The following SEPTIN4 variants were observed in gnomAD, a reference collection of about 807,000 sequenced individuals.
The protein encoded by SEPTIN4 is septin 4, also known as septin-4.
SEPTIN4 carries 52 observed loss-of-function variants against 107.1 expected under a neutral mutation model. The ratio of observed to expected loss-of-function variants is 0.49; its 90% CI spans 0.39 to 0.61. The LOEUF is 0.61. Ranked by LOEUF, SEPTIN4 falls within the 20% of genes least tolerant of loss-of-function variation. The probability of loss-of-function intolerance (pLI) is 0.00; values close to 1 mark genes in which losing one functional copy is unlikely to be tolerated. For missense variants in SEPTIN4, 1,048 were observed against 1,243.5 expected (o/e 0.84, Z 2.36); for synonymous variants, 417 against 467.0 (o/e 0.89, Z 1.38).
At chr17:58,529,383 C>G in intron 3 of SEPTIN4, 1 of 1,434,376 alleles carries the variant, frequency 7.0e-7, no homozygotes, top group Non-Finnish European at 9.1e-7. Context: ...TCTTCTCCTC[C>G]CCTTCCCTTG....
intron 3 of SEPTIN4, chr17:58,531,392 T>G (rs1348384117): frequency 6.6e-6 from 1 of 152,328 alleles, no homozygotes; most frequent in Non-Finnish European, 1.5e-5. Flanking sequence ...GATGGTGGGC[T>G]GGGCCTCCCC....
intron 3 of SEPTIN4, chr17:58,527,342 C>T (rs987273768): frequency 2.4e-6 from 1 of 422,934 alleles, no homozygotes; most frequent in Non-Finnish European, 4.4e-6. Context: ...GGGACTGTCT[C>T]AGGCCAGGAA....
At chr17:58,540,505 G>T (rs1233368249) in intron 3 of SEPTIN4, among the ~76,000 whole-genome samples, 161 bp downstream of exon 3, 1 of 152,142 alleles carries the variant, frequency 6.6e-6, no homozygotes, top group Non-Finnish European at 1.5e-5. Flanking sequence ...CCCCCCACTT[G>T]CCCCCTCTAC....
chr17:58,532,163 C>A, intron 3 of SEPTIN4: 1 of 1,001,766 alleles, frequency 1.0e-6, no homozygotes. Flanking sequence ...GGTGCCGGCG[C>A]GAAGTGGGTC....
rs898154968 is a variant in SEPTIN4 at position 58,520,783 on chromosome 17, T to C, written c.2891A>G (p.Asp964Gly). The change falls in exon 13 of 14, where the codon GAT becomes GGT. Residue 964 changes from aspartate (D) to glycine (G), a missense_variant. Physicochemically the swap from Asp to Gly is moderately conservative, Grantham distance 94. Coordinates refer to ENST00000672673, the MANE Select transcript of SEPTIN4 (RefSeq NM_001368771.2). ...TCGGATAAGCTTCTCAGTTTCTGGA[T>C]CTGTCCCTGGTGGGACAGCAGGGAT... ...FPIPAVPPGT[D>G]PETEKLIREK... is the part of the protein sequence containing the mutation. 1.2e-6 allele frequency: 2 copies of C among 1,614,088 alleles called. No individual in the cohort carries two copies. Among genetic ancestry groups the C allele is most frequent in the African/African-American group, 2.7e-5 (2 of 74,920 alleles).
chr17:58,525,181 C>T lies in SEPTIN4; in HGVS notation c.2113G>A (p.Glu705Lys). 1 of 1,614,088 alleles carries T rather than the reference C, an allele frequency of 6.2e-7. No individual in the cohort carries two copies. Among genetic ancestry groups the T allele is most frequent in the Non-Finnish European group, 8.5e-7 (1 of 1,180,012 alleles). ...ATGTCCACTGCATGCTTAGTGATCT[C>T]CACAGTTTGCATGATCCTCTCTGGA... ...GAEERIMQTV[E>K]ITKHAVDIEE... is the part of the protein sequence containing the mutation. The change falls in exon 7 of 14, where the codon GAG (glutamate) becomes AAG (lysine). Residue 705 changes from glutamate to lysine, a missense_variant. Glu to Lys is a moderately conservative substitution (Grantham distance 56). This residue lies in a region of SEPTIN4 where 787 missense variants were observed against 871.8 expected (regional missense o/e 0.90). Coordinates refer to ENST00000672673, the MANE Select transcript of SEPTIN4 (RefSeq NM_001368771.2).
Position 58,520,309 on chromosome 17 carries a change from A to C in SEPTIN4, c.*117T>G. ...TCCTCTGAGTCTCTGGGCAGTCAGC[A>C]GGGATGTAAGGCGAAGTGGCAGTAG... On this transcript the variant is annotated 3_prime_UTR_variant, in exon 14 of 14. Coordinates refer to ENST00000672673, the MANE Select transcript of SEPTIN4 (RefSeq NM_001368771.2). The C allele has an allele frequency of 2.3e-6, 2 of 856,270 alleles. No individual in the cohort carries two copies. The highest frequency in any genetic ancestry group is 3.8e-6 in the Non-Finnish European group (2 of 530,454). 53.0% of individuals were successfully genotyped at this position (856,270 alleles called of 1,614,324 possible).
intron 3 of SEPTIN4, chr17:58,530,402 TC>T (rs35815957): frequency 6.6e-6 from 1 of 152,364 alleles, no homozygotes; most frequent in Non-Finnish European, 1.5e-5. Context: ...TGGGGGGGTC[TC>T]CCCCACTGAT....
chr17:58,540,662 T>C lies in SEPTIN4; in HGVS notation c.1614+4A>G. ...TGGGAGTAACCTCCCAGGGGCATTCTTACCTCCTCATCTGTCATAACAGAG... is the reference window on the plus strand; with the variant it reads ...TGGGAGTAACCTCCCAGGGGCATTCCTACCTCCTCATCTGTCATAACAGAG... On this transcript the variant is annotated splice_donor_region_variant and intron_variant, in intron 3 of 13. Transcript: ENST00000672673. The C allele has an allele frequency of 7.3e-7, 1 of 1,363,380 alleles. No individual in the cohort carries two copies. The highest frequency in any genetic ancestry group is 9.4e-7 in the Non-Finnish European group (1 of 1,064,056). The allele number at this position is 1,363,380 out of a possible 1,614,324, so 84.5% of individuals were successfully genotyped here.
Position 58,521,463 on chromosome 17 carries a change from G to A in SEPTIN4, c.2571+82C>T. On this transcript the variant is annotated intron_variant, in intron 10 of 13. Coordinates refer to ENST00000672673, the MANE Select transcript of SEPTIN4 (RefSeq NM_001368771.2). The surrounding 1 kb of genome is among the most constrained non-coding windows in gnomAD (Gnocchi z 6.4). Reference sequence around the variant, plus strand: ...GGAAGCCAGGGTCCTTTCCCACCCTGATAGCCTGAATATAGAATTCTACTC... The same window carrying A: ...GGAAGCCAGGGTCCTTTCCCACCCTAATAGCCTGAATATAGAATTCTACTC... The A allele has an allele frequency of 6.4e-7, 1 of 1,570,224 alleles. No homozygotes were observed. The highest frequency in any genetic ancestry group is 1.3e-5 in the African/African-American group (1 of 74,074).
intron 3 of SEPTIN4, chr17:58,527,739 C>CCTCCAG (rs1567965208): frequency 2.9e-5 from 20 of 685,984 alleles, no homozygotes; most frequent in Non-Finnish European, 1.1e-5. Flanking sequence ...GATGGAAGAG[C>CCTCCAG]CTGGGAAAGG....
chr17:58,532,176 G>C (rs1218398549), intron 3 of SEPTIN4: 1 of 920,482 alleles, frequency 1.1e-6, no homozygotes, highest in African/African-American at 1.8e-5. Flanking sequence ...AGTGGGTCGG[G>C]GTGCCCAGCT....
At chr17:58,529,319 C>T (rs1322684392) in intron 3 of SEPTIN4, 1 of 1,522,738 alleles carries the variant, frequency 6.6e-7, no homozygotes, top group African/African-American at 1.4e-5. Flanking sequence ...TCTTTGACCC[C>T]CTTCTGTCTC....
rs374686767 is a variant in SEPTIN4, at chr17:58,520,373, G to A, written c.*53C>T. 1.1e-5 allele frequency: 17 copies of A among 1,568,044 alleles called. No homozygotes were observed. Among genetic ancestry groups the A allele is most frequent in the Admixed American group, 6.9e-5 (4 of 57,762 alleles). On this transcript the variant is annotated 3_prime_UTR_variant, in exon 14 of 14. Coordinates refer to ENST00000672673, the MANE Select transcript of SEPTIN4 (RefSeq NM_001368771.2). The stretch of plus-strand genomic sequence containing the variant: ...AGCAGAGCTGGTGCTGGGAGGGGCC[G>A]GCATGGACAGGAAGAAGAGGAGGAG...
Position 58,543,139 on chromosome 17 carries a change from C to T in SEPTIN4, c.1048G>A (p.Val350Met), listed in dbSNP as rs1318842120. 5 of 1,612,410 alleles carry T rather than the reference C, an allele frequency of 3.1e-6. No individual in the cohort carries two copies. Among genetic ancestry groups the T allele is most frequent in the African/African-American group, 1.3e-5 (1 of 74,988 alleles). ...GVQSVEPTHH[V>M]TVPSVSEGSH... ...CCCTCAGACACTGATGGAACTGTCA[C>T]ATGGTGAGTTGGCTCTACTGACTGT... The change falls in exon 1 of 14, where the codon GTG becomes ATG. Residue 350 changes from valine to methionine, a missense_variant. This residue lies in a region of SEPTIN4 where 787 missense variants were observed against 871.8 expected (regional missense o/e 0.90). Coordinates refer to ENST00000672673, the MANE Select transcript of SEPTIN4 (RefSeq NM_001368771.2).
intron 4 of SEPTIN4, 115 bp from the exon 5 acceptor site, chr17:58,526,428 A>G: frequency 7.2e-7 from 1 of 1,383,336 alleles, no homozygotes; most frequent in Admixed American, 3.5e-5. Context: ...AAGCAGTGCC[A>G]GACTTCTGTG....
Position 58,521,293 on chromosome 17 carries a change from G to A in SEPTIN4, c.2629C>T (p.Arg877Ter), listed in dbSNP as rs778224980. ...SNTVVEARGRRVRGRLYPWGI... is the reference protein window; with the variant it reads ...SNTVVEARGR ...CAGGGGTAGAGTCGACCCCGAACTC[G>A]CCGCCCTCTGGCCTCTACTACAGTG... Residue 877 changes from arginine to a stop codon, truncating the protein, a stop_gained, in exon 11 of 14, where the codon CGA becomes TGA. Transcript: ENST00000672673. LOFTEE classifies it high-confidence loss of function. The surrounding 1 kb of genome is among the most constrained non-coding windows in gnomAD (Gnocchi z 6.4). The A allele has an allele frequency of 1.2e-5, 19 of 1,614,030 alleles. No homozygotes were observed. Among genetic ancestry groups the A allele is most frequent in the Non-Finnish European group, 1.6e-5 (19 of 1,180,040 alleles).
intron 5 of SEPTIN4, 93 bp downstream of exon 5, chr17:58,526,127 C>G: frequency 7.5e-7 from 1 of 1,338,238 alleles, no homozygotes; most frequent in Admixed American, 3.1e-5. Flanking sequence ...GCTGCTTGCT[C>G]CCTGCGACCT....
rs1427937315 is a variant in SEPTIN4, at chr17:58,543,122, C to T, written c.1065G>A (p.Val355=). 1.9e-6 allele frequency: 3 copies of T among 1,612,200 alleles called. No homozygotes were observed. Among genetic ancestry groups the T allele is most frequent in the South Asian group, 2.2e-5 (2 of 90,840 alleles). ...TGGATGACTTGTGGGAGCCCTCAGA[C>T]ACTGATGGAACTGTCACATGGTGAG... ...EPTHHVTVPS[V]SEGSHKSSMF... The change falls in exon 1 of 14, where the codon GTG becomes GTA. Residue 355 remains valine, a synonymous_variant. Coordinates refer to ENST00000672673, the MANE Select transcript of SEPTIN4 (RefSeq NM_001368771.2).
Sources: gnomAD v4.1 joint callset for allele counts (sites outside exome capture counted in the v4.1 genomes callset) on GRCh38, gnomAD v4.1.1 for gene constraint, gnomAD v4.1.1 regional missense constraint, Gnocchi (gnomAD v3.1) non-coding constraint, MANE v1.5 for transcripts, NCBI Gene and HGNC (gene_info 2026-07-23, HGNC 2026-07-21) for gene names.